Variants in NEBL observed in about 807,000 individuals in gnomAD.
NEBL encodes the protein nebulette, also known as LIM and SH3 protein 2.
A neutral mutation model predicts 140.2 loss-of-function variants in NEBL; 122 were observed. The ratio of observed to expected loss-of-function variants is 0.87; its 90% CI spans 0.75 to 1.01. The LOEUF is 1.01. Ranked by LOEUF, NEBL falls within the 50% of genes least tolerant of loss-of-function variation. NEBL has a pLI of 0.00. For synonymous variants in NEBL, 436 were observed against 398.9 expected, an observed-to-expected ratio of 1.09 and a Z score of -1.11; for missense variants, 1,365 against 1,231.3, an observed-to-expected ratio of 1.11 and a Z score of -1.62.
chr10:20,921,762 T>C (rs989423131), intron 4 of NEBL, among the ~76,000 whole-genome samples: 1 of 149,508 alleles, frequency 6.7e-6, no homozygotes, highest in African/African-American at 2.5e-5. Context: ...CACATATCCA[T>C]GCACACACAT....
chr10:20,844,279 A>G (rs1323148430), intron 12 of NEBL, among the ~76,000 whole-genome samples: 1 of 152,030 alleles, frequency 6.6e-6, no homozygotes, highest in Non-Finnish European at 1.5e-5. Context: ...GATTTCCTTC[A>G]GGAATAGTTT....
chr10:20,876,880 T>C (rs1458058226), intron 5 of NEBL, among the ~76,000 whole-genome samples: 2 of 152,178 alleles, frequency 1.3e-5, no homozygotes, highest in African/African-American at 4.8e-5. Flanking sequence ...ATTTCTCTAA[T>C]TACATTAGAA....
intron 2 of NEBL, among the ~76,000 whole-genome samples, chr10:21,107,181 T>A (rs962825796): frequency 1.3e-5 from 2 of 152,220 alleles, no homozygotes; most frequent in African/African-American, 4.8e-5. Flanking sequence ...TATTTCTTTC[T>A]CTTGCCTGAT....
intron 2 of NEBL, among the ~76,000 whole-genome samples, chr10:21,138,822 T>TAA (rs60213612): frequency 0.017 from 2,068 of 120,138 alleles, 35 homozygotes; most frequent in Non-Finnish European, 0.024. Context: ...CTAAACTATT[T>TAA]AAAAAAAAAA....
chr10:21,172,481 G>GAAAAAA, intron 1 of NEBL: 1 of 1,385,260 alleles, frequency 7.2e-7, no homozygotes, highest in Non-Finnish European at 1.0e-6. Flanking sequence ...GCCAATACTG[G>GAAAAAA]AAAAAAAAAA....
intron 3 of NEBL, among the ~76,000 whole-genome samples, chr10:21,215,449 T>C (rs2132239620): frequency 6.6e-6 from 1 of 152,250 alleles, no homozygotes; most frequent in East Asian, 1.9e-4. Context: ...AGGGAGCAAA[T>C]TAAGCAAAAC....
intron 3 of NEBL, among the ~76,000 whole-genome samples, chr10:20,993,882 A>G (rs2131693766): frequency 6.6e-6 from 1 of 152,326 alleles, no homozygotes; most frequent in South Asian, 2.1e-4. Context: ...TCTAAAGAAT[A>G]TAATACATTG....
In NEBL at chr10:21,129,275, A is replaced by G. The variant is rs143339289; in HGVS notation, c.164+43108T>C. On this transcript the variant is annotated intron_variant, in intron 2 of 6. Coordinates refer to the NEBL transcript ENST00000417816. The stretch of plus-strand genomic sequence containing the variant: ...AATTAAAAAATTTTTTAACTTTTTT[A>G]TTTTATTTTATTTTATTTTTTAATA... Among the ~76,000 whole-genome samples the G allele has an allele frequency of 2.7e-3, 415 of 151,766 alleles. 3 individuals are homozygous for G. The highest frequency in any genetic ancestry group is 9.4e-3 in the African/African-American group (389 of 41,498).
intron 3 of NEBL, among the ~76,000 whole-genome samples, chr10:21,003,625 C>T (rs888848782): frequency 3.3e-5 from 5 of 152,090 alleles, no homozygotes; most frequent in East Asian, 3.9e-4. Context: ...TGAGGGATGA[C>T]GTCATGAGTT....
At chr10:20,874,731 T>C (rs1432810141) in intron 5 of NEBL, among the ~76,000 whole-genome samples, 1 of 152,092 alleles carries the variant, frequency 6.6e-6, no homozygotes. Flanking sequence ...CAGCCTCCAT[T>C]TCACTTTTCA....
At chr10:21,227,704 C>CT (rs1491015185) in intron 3 of NEBL, among the ~76,000 whole-genome samples, 966 of 72,856 alleles carry the variant, frequency 0.013, 6 homozygotes, top group South Asian at 0.019. Context: ...TCTTCTTCTT[C>CT]TTCTTCTTTC....
rs1310026810 is a variant in NEBL at position 20,787,311 on chromosome 10, G to A, written c.2762-3C>T. 3 of 1,607,348 alleles carry A rather than the reference G, an allele frequency of 1.9e-6. No individual in the cohort carries two copies. The highest frequency in any genetic ancestry group is 2.6e-6 in the Non-Finnish European group (3 of 1,174,854). ...ATAGGCTCCGGGAAGAACAGGTGCT[G>A]CATGTTAAACATACACACACACAAA... On this transcript the variant is annotated splice_region_variant and splice_polypyrimidine_tract_variant and intron_variant, in intron 26 of 27. Coordinates refer to ENST00000377122, the MANE Select transcript of NEBL (RefSeq NM_006393.3).
At chr10:21,096,418 T>C (rs942810502) in intron 2 of NEBL, among the ~76,000 whole-genome samples, 2 of 152,176 alleles carry the variant, frequency 1.3e-5, no homozygotes, top group Non-Finnish European at 2.9e-5. Flanking sequence ...TTAAAAGCCC[T>C]TTTATTAAAG....
chr10:20,853,246 G>A (rs1842720744), intron 9 of NEBL, among the ~76,000 whole-genome samples: 2 of 152,152 alleles, frequency 1.3e-5, no homozygotes, highest in South Asian at 4.1e-4. Context: ...AGTCAGTTGA[G>A]TTTTTAAGGT....
At chr10:20,886,950 G>T (rs1429371540) in intron 4 of NEBL, among the ~76,000 whole-genome samples, 3 of 152,126 alleles carry the variant, frequency 2.0e-5, no homozygotes, top group African/African-American at 7.2e-5. Context: ...CTCTCTATGT[G>T]CCAGGAACTC....
At chr10:20,806,217 A>G (rs1036388364) in intron 26 of NEBL, among the ~76,000 whole-genome samples, 2 of 152,160 alleles carry the variant, frequency 1.3e-5, no homozygotes, top group African/African-American at 2.4e-5. Context: ...TGACGTGGGC[A>G]TGGTCTGCTG....
chr10:21,131,484 C>T (rs1316771560), intron 2 of NEBL, among the ~76,000 whole-genome samples: 1 of 152,104 alleles, frequency 6.6e-6, no homozygotes, highest in Non-Finnish European at 1.5e-5. Context: ...ACTCTGCTCA[C>T]TGTGATAATT....
chr10:21,228,664 A>T (rs1842204937), intron 3 of NEBL, among the ~76,000 whole-genome samples: 1 of 152,230 alleles, frequency 6.6e-6, no homozygotes, highest in Non-Finnish European at 1.5e-5. Flanking sequence ...TTTAAAAATT[A>T]AAAACAGTCA....
intron 2 of NEBL, among the ~76,000 whole-genome samples, chr10:21,054,153 T>G (rs866484856): frequency 1.3e-5 from 2 of 152,236 alleles, no homozygotes; most frequent in African/African-American, 2.4e-5. Flanking sequence ...ATAAATTTTT[T>G]AATGACTCAT....
Sources: gnomAD v4.1 joint callset for allele counts (sites outside exome capture counted in the v4.1 genomes callset) on GRCh38, gnomAD v4.1.1 for gene constraint, MANE v1.5 for transcripts, NCBI Gene and HGNC (gene_info 2026-07-23, HGNC 2026-07-21) for gene names.